ABCC9: variants seen among roughly 807,000 people sequenced by gnomAD.
ABCC9 encodes the protein ATP-binding cassette sub-family C member 9.
Under a neutral mutation model 188.3 loss-of-function variants are expected in ABCC9, and 95 were observed. The ratio of observed to expected loss-of-function variants is 0.50; its 90% CI spans 0.43 to 0.60. The LOEUF (loss-of-function observed/expected upper bound fraction) is 0.60. ABCC9 is among the 20% of genes least tolerant of loss of function. The pLI is 0.00. For missense variants in ABCC9, 1,102 were observed against 1,876.3 expected, an observed-to-expected ratio of 0.59 and a Z score of 7.62; for synonymous variants, 659 against 652.7, an observed-to-expected ratio of 1.01 and a Z score of -0.15.
rs570360216 is a variant in ABCC9, at chr12:21,939,805, A to G, written c.-21+905T>C. 2.6e-5 allele frequency among the ~76,000 whole-genome samples: 4 copies of G among 152,374 alleles called. No individual in the cohort carries two copies. In the South Asian group the frequency reaches 8.3e-4, roughly 32 times the overall value. On this transcript the variant is annotated intron_variant, in intron 2 of 39. Transcript: ENST00000261200. ...AAGATCAAAGTGAAATTTTGCTTCT[A>G]ACGTATGTCTATGGAGCAGAAAACA...
intron 12 of ABCC9, among the ~76,000 whole-genome samples, chr12:21,900,064 G>A (rs1947644190): frequency 1.3e-5 from 2 of 152,208 alleles, no homozygotes; most frequent in Non-Finnish European, 1.5e-5. Context: ...ACCCCCAGTA[G>A]GGGCAGACTG....
chr12:21,915,498 G>GTATATA (rs1338146740), intron 7 of ABCC9, among the ~76,000 whole-genome samples, 170 bp downstream of exon 7: 2 of 8,912 alleles, frequency 2.2e-4, no homozygotes, highest in African/African-American at 5.0e-4. Flanking sequence ...GTGTGTGTGT[G>GTATATA]TGTATATATA....
At chr12:21,886,949 G>A (rs150624817) in intron 15 of ABCC9, among the ~76,000 whole-genome samples, 1 of 152,058 alleles carries the variant, frequency 6.6e-6, no homozygotes, top group Non-Finnish European at 1.5e-5. Context: ...TGACCACCCT[G>A]CTTCAAGTAC....
Position 21,936,443 on chromosome 12 carries a change from C to T in ABCC9, c.142+90G>A, listed in dbSNP as rs190265852. ...CTCACAGCCATCAGCTTCCATGTTA[C>T]AGAAATTAAGTCAACATTATCCCAA... is the stretch of plus-strand genomic sequence containing the variant. On this transcript the variant is annotated intron_variant, in intron 3 of 39. Coordinates refer to ENST00000261200, the MANE Select transcript of ABCC9 (RefSeq NM_020297.4). 1.6e-5 allele frequency: 19 copies of T among 1,172,866 alleles called. No individual in the cohort carries two copies. The East Asian group carries it at 2.5e-4, about 15-fold the overall frequency. 72.7% of individuals were successfully genotyped at this position (1,172,866 alleles called of 1,614,324 possible). A position where few individuals can be genotyped will look rare whatever the true frequency, so the allele number is the denominator to read the frequency against.
chr12:21,864,388 C>A, intron 19 of ABCC9, 51 bp downstream of exon 19: 1 of 1,272,628 alleles, frequency 7.9e-7, no homozygotes, highest in South Asian at 1.2e-5. Context: ...AGATTAAAGT[C>A]TGAGGAAGGA....
intron 31 of ABCC9, among the ~76,000 whole-genome samples, chr12:21,825,983 TATC>T (rs1473432474): frequency 6.6e-6 from 1 of 152,156 alleles, no homozygotes; most frequent in Admixed American, 6.5e-5. Flanking sequence ...AAAGCAATGA[TATC>T]ATGTTTTCTC....
chr12:21,930,685 A>G (rs1393789321), intron 4 of ABCC9, among the ~76,000 whole-genome samples: 2 of 152,180 alleles, frequency 1.3e-5, no homozygotes, highest in Non-Finnish European at 2.9e-5. Flanking sequence ...TTTTTTGATA[A>G]TGGCCAAAAC....
At chr12:21,818,005 CCCCTCA>C in intron 32 of ABCC9, 139 bp downstream of exon 32, 1 of 456,126 alleles carries the variant, frequency 2.2e-6, no homozygotes, top group Admixed American at 2.4e-5. Flanking sequence ...TAAGTTCCCT[CCCCTCA>C]CCCCCACCCC....
At chr12:21,858,913 A>G (rs1477170634) in intron 22 of ABCC9, among the ~76,000 whole-genome samples, 3 of 152,218 alleles carry the variant, frequency 2.0e-5, no homozygotes, top group Non-Finnish European at 4.4e-5. Context: ...CCCATTGTCT[A>G]CTTGTAAGCT....
intron 4 of ABCC9, among the ~76,000 whole-genome samples, chr12:21,930,984 TA>T (rs1478365757): frequency 6.6e-6 from 1 of 152,198 alleles, no homozygotes; most frequent in Non-Finnish European, 1.5e-5. Flanking sequence ...AATTAGTTCA[TA>T]TTTTTTAAAG....
chr12:21,805,197 T>G (rs748008984), intron 39 of ABCC9: 1 of 1,613,844 alleles, frequency 6.2e-7, no homozygotes, highest in Non-Finnish European at 8.5e-7. Context: ...ATCACCAAAG[T>G]GGAAAAGAGG....
intron 31 of ABCC9, among the ~76,000 whole-genome samples, chr12:21,823,629 A>G (rs1943182319): frequency 1.3e-5 from 2 of 152,220 alleles, no homozygotes; most frequent in South Asian, 4.1e-4. Flanking sequence ...TCCTTCCACC[A>G]CACAGCAAGA....
At chr12:21,863,656 T>TC (rs1223324126) in intron 19 of ABCC9, among the ~76,000 whole-genome samples, 2 of 151,972 alleles carry the variant, frequency 1.3e-5, no homozygotes, top group Non-Finnish European at 2.9e-5. Context: ...AATAACTACC[T>TC]CCCCCCTTTT....
chr12:21,900,424 C>T (rs1947678393), intron 12 of ABCC9, among the ~76,000 whole-genome samples: 1 of 152,190 alleles, frequency 6.6e-6, no homozygotes, highest in East Asian at 1.9e-4. Context: ...CAAAAGAACG[C>T]AGCTCCTCAC....
intron 31 of ABCC9, among the ~76,000 whole-genome samples, chr12:21,822,115 T>A (rs1943070827): frequency 6.6e-6 from 1 of 152,172 alleles, no homozygotes. Flanking sequence ...ATTTTCAAAA[T>A]CTACAATCAA....
intron 30 of ABCC9, among the ~76,000 whole-genome samples, chr12:21,829,327 G>T (rs924307414): frequency 6.8e-6 from 1 of 146,392 alleles, no homozygotes; most frequent in Non-Finnish European, 1.5e-5. Flanking sequence ...TCAGCCTCCT[G>T]AGTAGCTGGG....
At chr12:21,905,846 C>T (rs760090705) in intron 12 of ABCC9, among the ~76,000 whole-genome samples, 6 of 152,032 alleles carry the variant, frequency 3.9e-5, no homozygotes, top group Non-Finnish European at 7.4e-5. Flanking sequence ...AGAAAACCAA[C>T]GATTTCAGTT....
chr12:21,893,574 A>G (rs755686945), intron 14 of ABCC9, among the ~76,000 whole-genome samples: 4 of 152,214 alleles, frequency 2.6e-5, no homozygotes, highest in African/African-American at 4.8e-5. Flanking sequence ...TAGAACTAGT[A>G]TCCCCACTTC....
At chr12:21,824,934 G>C (rs1333774680) in intron 31 of ABCC9, among the ~76,000 whole-genome samples, 1 of 151,130 alleles carries the variant, frequency 6.6e-6, no homozygotes, top group African/African-American at 2.4e-5. Flanking sequence ...GATCTTTTTT[G>C]TTGATCTTTT....
Sources: allele counts gnomAD v4.1 joint callset (sites outside exome capture counted in the v4.1 genomes callset), GRCh38; gene constraint gnomAD v4.1.1; transcripts MANE v1.5; gene names NCBI Gene and HGNC (gene_info 2026-07-23, HGNC 2026-07-21).